The following RUBCN variants were observed in gnomAD, a reference collection of about 807,000 sequenced individuals.
RUBCN encodes the protein run domain Beclin-1-interacting and cysteine-rich domain-containing protein.
In RUBCN, 74 loss-of-function variants were observed where a neutral mutation model predicts 113.2. The ratio of observed to expected loss-of-function variants is 0.65; its 90% CI spans 0.54 to 0.79. The LOEUF is 0.79. RUBCN is among the 30% of genes least tolerant of loss of function. The probability of loss-of-function intolerance (pLI) is 0.00; values close to 1 mark genes in which losing one functional copy is unlikely to be tolerated. For synonymous variants in RUBCN, 480 were observed against 490.0 expected (o/e 0.98, Z 0.27); for missense variants, 1,109 against 1,251.7 (o/e 0.89, Z 1.72).
chr3:197,726,216 T>C (rs1023761863), intron 1 of RUBCN, among the ~76,000 whole-genome samples: 5 of 152,200 alleles, frequency 3.3e-5, no homozygotes, highest in Admixed American at 3.3e-4. Flanking sequence ...ATCTTCTATT[T>C]CTTTTGTATT....
intron 1 of RUBCN, among the ~76,000 whole-genome samples, chr3:197,743,279 CCG>C: frequency 6.6e-6 from 1 of 151,766 alleles, no homozygotes; most frequent in African/African-American, 2.4e-5. Flanking sequence ...GCCTGCCACC[CCG>C]TCTGTCATGT....
intron 2 of RUBCN, among the ~76,000 whole-genome samples, chr3:197,710,209 A>T (rs574180821): frequency 1.3e-5 from 2 of 151,928 alleles, no homozygotes; most frequent in East Asian, 3.9e-4. Flanking sequence ...AGCCCTTTCT[A>T]AGCACCACAC....
At chr3:197,714,154 A>T (rs932692248) in intron 2 of RUBCN, among the ~76,000 whole-genome samples, 13 of 152,172 alleles carry the variant, frequency 8.5e-5, no homozygotes, top group African/African-American at 3.1e-4. Context: ...AGCTGAGATT[A>T]AAATGTGAGC....
chr3:197,732,470 C>T (rs1198353758), intron 1 of RUBCN, among the ~76,000 whole-genome samples: 4 of 152,310 alleles, frequency 2.6e-5, no homozygotes, highest in South Asian at 2.1e-4. Context: ...CCTGCCACCA[C>T]GCCTGGCTAA....
At chr3:197,707,824 G>T (rs1724488091) in intron 2 of RUBCN, among the ~76,000 whole-genome samples, 2 of 151,622 alleles carry the variant, frequency 1.3e-5, no homozygotes, top group South Asian at 4.2e-4. Context: ...AATTAGCCGG[G>T]CATGGGGCAC....
At chr3:197,721,926 A>T (rs1726214275) in intron 1 of RUBCN, among the ~76,000 whole-genome samples, 1 of 152,086 alleles carries the variant, frequency 6.6e-6, no homozygotes, top group Admixed American at 6.5e-5. Flanking sequence ...TTCTAGTTGT[A>T]TTGCACTGTA....
At chr3:197,746,037 G>C (rs1462516352) in intron 1 of RUBCN, among the ~76,000 whole-genome samples, 1 of 151,874 alleles carries the variant, frequency 6.6e-6, no homozygotes, top group Admixed American at 6.6e-5. Context: ...TCTCAAAAAA[G>C]GAAAGAAAGA....
At chr3:197,746,788 T>C (rs926787093) in intron 1 of RUBCN, among the ~76,000 whole-genome samples, 2 of 152,208 alleles carry the variant, frequency 1.3e-5, no homozygotes, top group African/African-American at 4.8e-5. Context: ...TATTTTGACT[T>C]AGGCGAAGCT....
chr3:197,691,570 G>A (rs1007345726), intron 11 of RUBCN, among the ~76,000 whole-genome samples: 2 of 152,114 alleles, frequency 1.3e-5, no homozygotes, highest in African/African-American at 4.8e-5. Flanking sequence ...TTTCCTTTAA[G>A]GATTTCTGTT....
At chr3:197,720,212 A>T (rs184122248) in intron 1 of RUBCN, among the ~76,000 whole-genome samples, 57 of 151,628 alleles carry the variant, frequency 3.8e-4, no homozygotes, top group African/African-American at 1.2e-3. Context: ...CCACTATTCC[A>T]CTCTCTACCT....
At position 197,674,625 on chromosome 3, in the gene RUBCN, G is replaced by A; in HGVS notation, c.*393C>T. 2.3e-6 allele frequency: 1 copy of A among 442,908 alleles called. No homozygotes were observed. The highest frequency in any genetic ancestry group is 4.5e-6 in the Non-Finnish European group (1 of 221,472). The allele number at this position is 442,908 out of a possible 1,614,324, so 27.4% of individuals were successfully genotyped here. On this transcript the variant is annotated 3_prime_UTR_variant, in exon 20 of 20. Coordinates refer to ENST00000296343, the MANE Select transcript of RUBCN (RefSeq NM_014687.4). ...TGGTTGAGAAAGGCCTGGCTCAGAA[G>A]CTCCAGAACTGAAACAAAGGAAAAT...
chr3:197,716,957 C>CA (rs1046300752), intron 2 of RUBCN, among the ~76,000 whole-genome samples: 2 of 151,798 alleles, frequency 1.3e-5, no homozygotes, highest in Non-Finnish European at 1.5e-5. Context: ...CCTGTCTCTA[C>CA]AAAAAACACA....
At chr3:197,731,912 A>G (rs1225366498) in intron 1 of RUBCN, among the ~76,000 whole-genome samples, 2 of 152,256 alleles carry the variant, frequency 1.3e-5, no homozygotes, top group African/African-American at 2.4e-5. Context: ...GGAAATGGAG[A>G]GAAAAAGAAG....
intron 5 of RUBCN, among the ~76,000 whole-genome samples, chr3:197,703,312 C>T (rs1435181420): frequency 6.8e-6 from 1 of 146,014 alleles, no homozygotes; most frequent in Non-Finnish European, 1.5e-5. Context: ...GCACAAGAAT[C>T]GCCTGAACCC....
In RUBCN at chr3:197,677,947, C is replaced by T. The variant is rs556288263; in HGVS notation, c.2431-406G>A. Among the ~76,000 whole-genome samples the T allele has an allele frequency of 2.1e-5, 3 of 146,026 alleles. No individual in the cohort carries two copies. In the East Asian group the frequency reaches 6.2e-4, roughly 30 times the overall value. On this transcript the variant is annotated intron_variant, in intron 16 of 19. Transcript: ENST00000296343. ...ACAACTGGCTTCAGACTGTCCTACG[C>T]TCTAACTCGACACCTGGCTTCAGAC...
At chr3:197,697,094 G>C (rs1723100257) in intron 7 of RUBCN, 45 bp from the exon 8 acceptor site, 1 of 948,362 alleles carries the variant, frequency 1.1e-6, no homozygotes, top group South Asian at 1.3e-5. Context: ...TACGAAATGA[G>C]CAACAGGTAC....
chr3:197,675,799 T>C lies in RUBCN; in HGVS notation c.2647-284A>G, dbSNP rs1720333589. Among the ~76,000 whole-genome samples, 1 of 152,218 alleles carries C rather than the reference T, an allele frequency of 6.6e-6. No homozygotes were observed. Among genetic ancestry groups the C allele is most frequent in the Non-Finnish European group, 1.5e-5 (1 of 68,030 alleles). On this transcript the variant is annotated intron_variant, in intron 18 of 19. Coordinates refer to ENST00000296343, the MANE Select transcript of RUBCN (RefSeq NM_014687.4). This position sits in a 1 kb window ranked among gnomAD's most constrained non-coding sequence, Gnocchi z 4.4. ...GGAGGAAATGGCACCACAAAGGGCT[T>C]CCTAAGCCGACAGTCCCATCTGGGT...
intron 1 of RUBCN, among the ~76,000 whole-genome samples, chr3:197,732,177 A>G (rs1230083122): frequency 6.6e-6 from 1 of 152,244 alleles, no homozygotes; most frequent in Non-Finnish European, 1.5e-5. Flanking sequence ...ACTGAGCAGT[A>G]CATGTACCTG....
chr3:197,702,785 T>C (rs1723831376), intron 5 of RUBCN, among the ~76,000 whole-genome samples: 1 of 152,180 alleles, frequency 6.6e-6, no homozygotes, highest in South Asian at 2.1e-4. Context: ...GGAGTATTAG[T>C]GATGGGATAA....
Sources: allele counts gnomAD v4.1 joint callset (sites outside exome capture counted in the v4.1 genomes callset), GRCh38; gene constraint gnomAD v4.1.1; non-coding constraint Gnocchi (gnomAD v3.1); transcripts MANE v1.5; gene names NCBI Gene and HGNC (gene_info 2026-07-23, HGNC 2026-07-21).